ZFP91: variants seen among roughly 807,000 people sequenced by gnomAD.
ZFP91 encodes the protein ZFP91 zinc finger protein, atypical E3 ubiquitin ligase.
In ZFP91, 7 loss-of-function variants were observed where a neutral mutation model predicts 63.5. That is an observed-to-expected ratio of 0.11 (90% CI 0.06 to 0.21). The LOEUF (loss-of-function observed/expected upper bound fraction) is 0.21, where lower values mean the gene tolerates loss of function less well. Ranked by LOEUF, ZFP91 falls within the 10% of genes least tolerant of loss-of-function variation. The probability of loss-of-function intolerance (pLI) is 1.00; values close to 1 mark genes in which losing one functional copy is unlikely to be tolerated. For missense variants in ZFP91, 628 were observed against 736.6 expected (o/e 0.85, Z 1.71); for synonymous variants, 330 against 272.1 (o/e 1.21, Z -2.10).
intron 1 of ZFP91, among the ~76,000 whole-genome samples, chr11:58,579,893 C>T (rs1021412888): frequency 6.6e-6 from 1 of 152,158 alleles, no homozygotes; most frequent in Non-Finnish European, 1.5e-5. Context: ...TGATCCACCT[C>T]CTCCCTGACA....
Position 58,617,746 on chromosome 11 carries a change from G to C in ZFP91, c.*40G>C. 7.0e-7 allele frequency: 1 copy of C among 1,432,950 alleles called. No individual in the cohort carries two copies. The highest frequency in any genetic ancestry group is 9.1e-7 in the Non-Finnish European group (1 of 1,094,406). 88.8% of individuals were successfully genotyped at this position (1,432,950 alleles called of 1,614,324 possible). A position where few individuals can be genotyped will look rare whatever the true frequency, so the allele number is the denominator to read the frequency against. On this transcript the variant is annotated 3_prime_UTR_variant, in exon 11 of 11. Coordinates refer to ENST00000316059, the MANE Select transcript of ZFP91 (RefSeq NM_053023.5). The surrounding 1 kb of genome is among the most constrained non-coding windows in gnomAD (Gnocchi z 4.2). ...TGGGGCATGGGACAGCTCAGACTTTGTATTTAAAAGTTAAAAAGGACAAAA... is the reference window on the plus strand; with the variant it reads ...TGGGGCATGGGACAGCTCAGACTTTCTATTTAAAAGTTAAAAAGGACAAAA...
chr11:58,612,946 G>T (rs1216819280), intron 8 of ZFP91, 106 bp downstream of exon 8: 1 of 926,430 alleles, frequency 1.1e-6, no homozygotes, highest in Non-Finnish European at 1.6e-6. Flanking sequence ...TCATTGACAT[G>T]TAATGTCAAG....
At chr11:58,611,889 A>G (rs1025309780) in intron 6 of ZFP91, 151 bp downstream of exon 6, 177 of 808,496 alleles carry the variant, frequency 2.2e-4, no homozygotes, top group Non-Finnish European at 3.2e-4. Flanking sequence ...GCAGCTGACA[A>G]TTTCACTGGA....
intron 9 of ZFP91, 125 bp downstream of exon 9, chr11:58,614,468 G>A (rs1855717885): frequency 8.8e-6 from 6 of 681,418 alleles, no homozygotes; most frequent in Non-Finnish European, 1.3e-5. Flanking sequence ...GGGAAAAGGT[G>A]TGAAAATAAA....
Position 58,612,859 on chromosome 11 carries a change from T to TAAGA in ZFP91, c.987+20_987+23dup. 6.2e-7 allele frequency: 1 copy of TAAGA among 1,601,474 alleles called. No homozygotes were observed. Among genetic ancestry groups the TAAGA allele is most frequent in the Non-Finnish European group, 8.5e-7 (1 of 1,173,712 alleles). On this transcript the variant is annotated intron_variant, in intron 8 of 10. Coordinates refer to ENST00000316059, the MANE Select transcript of ZFP91 (RefSeq NM_053023.5). ...TTTGCAGGTCAGTGAAGTTGTTATA[T>TAAGA]AAGAGCCTTTCAGGTTGTGTTCCAT... is the stretch of plus-strand genomic sequence containing the variant.
At chr11:58,597,004 G>A (rs747977023) in intron 2 of ZFP91, among the ~76,000 whole-genome samples, 1 of 152,112 alleles carries the variant, frequency 6.6e-6, no homozygotes, top group Non-Finnish European at 1.5e-5. Flanking sequence ...GGGGCAAGTA[G>A]ACCACTTCAA....
chr11:58,597,123 G>T (rs529490123), intron 2 of ZFP91, among the ~76,000 whole-genome samples: 2 of 152,162 alleles, frequency 1.3e-5, no homozygotes, highest in African/African-American at 2.4e-5. Context: ...CAGGGGCAAA[G>T]CATCAATGGA....
chr11:58,580,368 A>G (rs1855091955), intron 1 of ZFP91, among the ~76,000 whole-genome samples: 1 of 152,266 alleles, frequency 6.6e-6, no homozygotes, highest in Admixed American at 6.5e-5. Flanking sequence ...TAGAGGAAAC[A>G]TGAACAGGTG....
At chr11:58,585,685 C>G (rs367666893) in intron 2 of ZFP91, among the ~76,000 whole-genome samples, 1 of 152,036 alleles carries the variant, frequency 6.6e-6, no homozygotes, top group African/African-American at 2.4e-5. Context: ...TAGCCTGCTA[C>G]TATTTCTATA....
At chr11:58,583,518 T>TA (rs5792116) in intron 1 of ZFP91, among the ~76,000 whole-genome samples, 4,557 of 152,142 alleles carry the variant, frequency 0.03, 229 homozygotes, top group African/African-American at 0.1. Flanking sequence ...TGAAAAAACT[T>TA]ACAGTTCTTT....
rs1337226953 is a variant in ZFP91, at chr11:58,618,411, A to G, written c.*705A>G. The G allele has an allele frequency of 2.2e-5, 6 of 277,876 alleles. No homozygotes were observed. Among genetic ancestry groups the G allele is most frequent in the South Asian group, 1.4e-4 (4 of 29,604 alleles). 17.2% of individuals were successfully genotyped at this position (277,876 alleles called of 1,614,324 possible). A position where few individuals can be genotyped will look rare whatever the true frequency, so the allele number is the denominator to read the frequency against. On this transcript the variant is annotated 3_prime_UTR_variant, in exon 11 of 11. Coordinates refer to ENST00000316059, the MANE Select transcript of ZFP91 (RefSeq NM_053023.5). ...TCACTTGCTTGGAAGCAGGCTCCCA[A>G]TAGGGAGGGGGCTGCCCTCTACAGT... is the stretch of plus-strand genomic sequence containing the variant.
Position 58,621,387 on chromosome 11 carries a change from T to G in ZFP91, c.*3681T>G, listed in dbSNP as rs1427331524. Among the ~76,000 whole-genome samples the G allele has an allele frequency of 6.6e-6, 1 of 152,224 alleles. No individual in the cohort carries two copies. The highest frequency in any genetic ancestry group is 1.5e-5 in the Non-Finnish European group (1 of 68,032). On this transcript the variant is annotated 3_prime_UTR_variant, in exon 11 of 11. Transcript: ENST00000316059. ...CCTTGATAGCATTTAATATTAATAC[T>G]TCTTCTCAAAATTGAATGTTTATAT...
intron 2 of ZFP91, among the ~76,000 whole-genome samples, chr11:58,591,256 T>A (rs1008904393): frequency 6.6e-6 from 1 of 152,200 alleles, no homozygotes; most frequent in Non-Finnish European, 1.5e-5. Flanking sequence ...CTCGCTTATT[T>A]TGCTCATCAT....
intron 2 of ZFP91, among the ~76,000 whole-genome samples, chr11:58,598,942 A>T (rs964526203): frequency 2.0e-5 from 3 of 152,196 alleles, no homozygotes; most frequent in Middle Eastern, 6.8e-3. Context: ...CCCTGTACCC[A>T]TTAAAAGCAG....
Position 58,579,262 on chromosome 11 carries a change from TG to T in ZFP91, c.-15del, listed in dbSNP as rs1483702884. 1 of 1,347,866 alleles carries T rather than the reference TG, an allele frequency of 7.4e-7. No homozygotes were observed. 83.5% of individuals were successfully genotyped at this position (1,347,866 alleles called of 1,614,324 possible). A position where few individuals can be genotyped will look rare whatever the true frequency, so the allele number is the denominator to read the frequency against. ...GCCTCCGCCGCCTAGGACTAGGGGG[TG>T]GGGGACGGACAAGCCCCGATGCCGG... is the stretch of plus-strand genomic sequence containing the variant. On this transcript the variant is annotated 5_prime_UTR_variant, in exon 1 of 11. Transcript: ENST00000316059.
At chr11:58,583,293 G>T (rs1292394760) in intron 1 of ZFP91, among the ~76,000 whole-genome samples, 1 of 152,066 alleles carries the variant, frequency 6.6e-6, no homozygotes, top group Non-Finnish European at 1.5e-5. Context: ...CTTCGCTGTT[G>T]AGTAACCATA....
chr11:58,601,997 A>G (rs532849762), intron 2 of ZFP91, among the ~76,000 whole-genome samples: 2 of 152,038 alleles, frequency 1.3e-5, no homozygotes, highest in East Asian at 1.9e-4. Context: ...TCTTGGCTCA[A>G]TGCAACCTCC....
At chr11:58,612,142 C>A in intron 6 of ZFP91, 136 bp from the exon 7 acceptor site, 1 of 850,522 alleles carries the variant, frequency 1.2e-6, no homozygotes, top group Non-Finnish European at 1.8e-6. Flanking sequence ...CCAGATATAT[C>A]TTTGACTTTA....
chr11:58,613,343 C>T (rs542465321), intron 8 of ZFP91, among the ~76,000 whole-genome samples: 1 of 152,236 alleles, frequency 6.6e-6, no homozygotes, highest in South Asian at 2.1e-4. Context: ...ATGATAATAT[C>T]AACCCATTTA....
Sources: allele counts gnomAD v4.1 joint callset (sites outside exome capture counted in the v4.1 genomes callset), GRCh38; gene constraint gnomAD v4.1.1; non-coding constraint Gnocchi (gnomAD v3.1); transcripts MANE v1.5; gene names NCBI Gene and HGNC (gene_info 2026-07-23, HGNC 2026-07-21).